The following FAM120A variants were observed in gnomAD, a reference collection of about 807,000 sequenced individuals.
FAM120A encodes the protein family with sequence similarity 120 member A, also known as constitutive coactivator of PPAR-gamma-like protein 1.
FAM120A carries 15 observed loss-of-function variants against 109.7 expected under a neutral mutation model. That is an observed-to-expected ratio of 0.14 (90% CI 0.09 to 0.21). The LOEUF (loss-of-function observed/expected upper bound fraction) is 0.21. Among genes scored for constraint, FAM120A ranks in the 10% least tolerant of loss-of-function variants. The pLI, the probability that FAM120A is intolerant of heterozygous loss-of-function variation, is 1.00. For missense variants in FAM120A, 899 were observed against 1,439.3 expected, an observed-to-expected ratio of 0.62 and a Z score of 6.07; for synonymous variants, 493 against 572.8, an observed-to-expected ratio of 0.86 and a Z score of 1.99.
intron 2 of FAM120A, among the ~76,000 whole-genome samples, chr9:93,474,083 T>A (rs199853052): frequency 2.0e-5 from 2 of 101,730 alleles, no homozygotes; most frequent in African/African-American, 9.1e-5. Context: ...TTGAAATAAA[T>A]GAAAAAATCA....
chr9:93,481,985 A>G (rs956658266), intron 3 of FAM120A, among the ~76,000 whole-genome samples: 3 of 152,034 alleles, frequency 2.0e-5, no homozygotes, highest in Non-Finnish European at 2.9e-5. Flanking sequence ...GCTTTCTTCT[A>G]CATCATCTTA....
intron 3 of FAM120A, among the ~76,000 whole-genome samples, chr9:93,488,066 C>T (rs544360259): frequency 6.6e-6 from 1 of 152,146 alleles, no homozygotes; most frequent in African/African-American, 2.4e-5. Flanking sequence ...CCCATTTTTA[C>T]TTCTTTCTTT....
At chr9:93,563,347 C>T (rs114016284) in intron 17 of FAM120A, among the ~76,000 whole-genome samples, 1,973 of 152,292 alleles carry the variant, frequency 0.013, 44 homozygotes, top group African/African-American at 0.045. Flanking sequence ...TCTTCAGCAC[C>T]GAGTCAGTCT....
chr9:93,519,063 C>G (rs1303674392), intron 7 of FAM120A, among the ~76,000 whole-genome samples: 1 of 152,064 alleles, frequency 6.6e-6, no homozygotes, highest in Non-Finnish European at 1.5e-5. Context: ...TTAGCATGAC[C>G]TTAGGCTGGA....
chr9:93,452,671 G>A lies in FAM120A; in HGVS notation c.474+282G>A. 2 of 1,598,870 alleles carry A rather than the reference G, an allele frequency of 1.3e-6. No individual in the cohort carries two copies. Among genetic ancestry groups the A allele is most frequent in the Non-Finnish European group, 1.7e-6 (2 of 1,179,916 alleles). ...GAGCCCCGGACCAGAATTCGGAGGC[G>A]ACAGTGTCATCATCCCCAATATCCT... On this transcript the variant is annotated intron_variant, in intron 1 of 17. Coordinates refer to ENST00000277165, the MANE Select transcript of FAM120A (RefSeq NM_014612.5). The surrounding 1 kb of genome is among the most constrained non-coding windows in gnomAD (Gnocchi z 7.0).
chr9:93,467,529 C>T (rs945189982), intron 1 of FAM120A, among the ~76,000 whole-genome samples: 2 of 152,178 alleles, frequency 1.3e-5, no homozygotes, highest in East Asian at 1.9e-4. Flanking sequence ...TCCCTCCCCC[C>T]GACCCTCTTT....
rs1857777168 is a variant in FAM120A, at chr9:93,461,161, TCA to T, written c.474+8773_474+8774del. 1.3e-5 allele frequency among the ~76,000 whole-genome samples: 2 copies of T among 152,242 alleles called. 1 individual carries two copies. Among genetic ancestry groups the T allele is most frequent in the South Asian group, 4.1e-4 (2 of 4,832 alleles). On this transcript the variant is annotated intron_variant, in intron 1 of 17. Coordinates refer to ENST00000277165, the MANE Select transcript of FAM120A (RefSeq NM_014612.5). ...TTATGCGCCAGTCATTTGGCATTTC[TCA>T]GTTGTCTCTGGAATCAATTAACTTT...
At chr9:93,563,515 T>C (rs970686330) in intron 17 of FAM120A, among the ~76,000 whole-genome samples, 3 of 152,212 alleles carry the variant, frequency 2.0e-5, no homozygotes, top group African/African-American at 7.2e-5. Flanking sequence ...CACCCTACGG[T>C]GTGTGGGACA....
chr9:93,489,819 A>G (rs1220570718), intron 3 of FAM120A, among the ~76,000 whole-genome samples: 2 of 152,178 alleles, frequency 1.3e-5, no homozygotes, highest in African/African-American at 2.4e-5. Flanking sequence ...TGTACTAGAA[A>G]ACCTTGGGCC....
At chr9:93,562,161 C>A (rs1248911075) in intron 16 of FAM120A, 47 bp from the exon 17 acceptor site, 1 of 1,417,154 alleles carries the variant, frequency 7.1e-7, no homozygotes, top group Admixed American at 1.7e-5. Context: ...TAAATGTTGT[C>A]TGTAACAGAT....
At chr9:93,542,368 C>T (rs1488342531) in intron 10 of FAM120A, among the ~76,000 whole-genome samples, 1 of 152,210 alleles carries the variant, frequency 6.6e-6, no homozygotes, top group Non-Finnish European at 1.5e-5. Flanking sequence ...GAGATTTTAA[C>T]ATTCTACTGT....
chr9:93,549,632 G>C (rs1862025235), intron 11 of FAM120A, among the ~76,000 whole-genome samples: 1 of 152,182 alleles, frequency 6.6e-6, no homozygotes, highest in Non-Finnish European at 1.5e-5. Context: ...CTGCAGATGG[G>C]AATGGAAAGA....
At chr9:93,463,391 C>T (rs1387652758) in intron 1 of FAM120A, among the ~76,000 whole-genome samples, 1 of 152,134 alleles carries the variant, frequency 6.6e-6, no homozygotes, top group Non-Finnish European at 1.5e-5. Flanking sequence ...ATAAGATAAG[C>T]TTATTCAGCT....
At chr9:93,490,906 C>T (rs1158245755) in intron 3 of FAM120A, among the ~76,000 whole-genome samples, 1 of 152,188 alleles carries the variant, frequency 6.6e-6, no homozygotes, top group Non-Finnish European at 1.5e-5. Context: ...TGAGGGCTTC[C>T]CATTGAAGTC....
At chr9:93,486,778 C>T (rs1859077387) in intron 3 of FAM120A, among the ~76,000 whole-genome samples, 1 of 152,122 alleles carries the variant, frequency 6.6e-6, no homozygotes, top group South Asian at 2.1e-4. Flanking sequence ...AAGTGATCTG[C>T]CTGCCTTGGC....
intron 3 of FAM120A, among the ~76,000 whole-genome samples, chr9:93,493,655 A>C (rs979838141): frequency 6.6e-6 from 1 of 152,190 alleles, no homozygotes. Flanking sequence ...CCGGGACCCA[A>C]CTACAGGGGA....
intron 11 of FAM120A, among the ~76,000 whole-genome samples, chr9:93,546,730 G>A (rs1861905857): frequency 6.6e-6 from 1 of 152,250 alleles, no homozygotes; most frequent in African/African-American, 2.4e-5. Context: ...CGGCAAGACA[G>A]AAATGAATGG....
rs1484856535 is a variant in FAM120A at position 93,532,410 on chromosome 9, C to T, written c.1909+81C>T. The T allele has an allele frequency of 1.3e-6, 2 of 1,532,390 alleles. No homozygotes were observed. Among genetic ancestry groups the T allele is most frequent in the South Asian group, 2.3e-5 (2 of 88,556 alleles). The allele number at this position is 1,532,390 out of a possible 1,614,324, so 94.9% of individuals were successfully genotyped here. ...GCATTTTCTAAAGCCTTAGAAGAAT[C>T]ATGACTGAGTTGACCCCGAGTGCCT... is the stretch of plus-strand genomic sequence containing the variant. On this transcript the variant is annotated intron_variant, in intron 10 of 17. Coordinates refer to ENST00000277165, the MANE Select transcript of FAM120A (RefSeq NM_014612.5). This position sits in a 1 kb window ranked among gnomAD's most constrained non-coding sequence, Gnocchi z 4.3.
intron 3 of FAM120A, among the ~76,000 whole-genome samples, chr9:93,493,661 G>A (rs1406911177): frequency 6.6e-6 from 1 of 152,192 alleles, no homozygotes; most frequent in African/African-American, 2.4e-5. Context: ...CCCAACTACA[G>A]GGGAAATAGA....
Sources: allele counts gnomAD v4.1 joint callset (sites outside exome capture counted in the v4.1 genomes callset), GRCh38; gene constraint gnomAD v4.1.1; non-coding constraint Gnocchi (gnomAD v3.1); transcripts MANE v1.5; gene names NCBI Gene and HGNC (gene_info 2026-07-23, HGNC 2026-07-21).